The following NUP188 variants were observed in gnomAD, a reference collection of about 807,000 sequenced individuals.
NUP188 encodes the protein nucleoporin NUP188.
A neutral mutation model predicts 223.0 loss-of-function variants in NUP188; 97 were observed. The ratio of observed to expected loss-of-function variants is 0.43; its 90% CI spans 0.37 to 0.51. The LOEUF is 0.51. Among genes scored for constraint, NUP188 ranks in the 20% least tolerant of loss-of-function variants. The pLI, the probability that NUP188 is intolerant of heterozygous loss-of-function variation, is 0.00. For synonymous variants in NUP188, 869 were observed against 828.0 expected, an observed-to-expected ratio of 1.05 and a Z score of -0.85; for missense variants, 1,947 against 2,175.6, an observed-to-expected ratio of 0.89 and a Z score of 2.09.
chr9:128,984,819 A>AT (rs1842309308), intron 19 of NUP188, 81 bp from the exon 20 acceptor site: 1 of 894,946 alleles, frequency 1.1e-6, no homozygotes, highest in Admixed American at 2.3e-5. Context: ...CATCTAGACT[A>AT]TAACAAGAAT....
Position 128,958,856 on chromosome 9 carries a change from C to G in NUP188, c.427C>G (p.Leu143Val). The part of the protein sequence containing the change: ...RTCILRCVLH[L>V]LTYFQDERHP... ...CTGTATTCTTCGTTGTGTCTTACAC[C>G]TTCTCACTTACTTCCAAGATGAAAG... The change falls in exon 7 of 44, where the codon CTT (leucine) becomes GTT (valine). Residue 143 changes from leucine (L) to valine (V), a missense_variant. Around this residue, in one of 3 missense-constraint regions of NUP188, gnomAD observed 817 missense variants for 865.8 expected, o/e 0.94. Coordinates refer to ENST00000372577, the MANE Select transcript of NUP188 (RefSeq NM_015354.3). 1 of 1,602,116 alleles carries G rather than the reference C, an allele frequency of 6.2e-7. No individual in the cohort carries two copies. The highest frequency in any genetic ancestry group is 1.1e-5 in the South Asian group (1 of 88,984).
Position 128,999,935 on chromosome 9 carries a change from G to T in NUP188, c.3843+130G>T, listed in dbSNP as rs1487570708. 9 of 826,990 alleles carry T rather than the reference G, an allele frequency of 1.1e-5. No homozygotes were observed. In the Admixed American group the frequency reaches 1.9e-4, roughly 18 times the overall value. The allele number at this position is 826,990 out of a possible 1,614,324, so 51.2% of individuals were successfully genotyped here. A position where few individuals can be genotyped will look rare whatever the true frequency, so the allele number is the denominator to read the frequency against. ...TGGAGTTCACGGCCTGGTGGGAAAGGTTAATAGATCAGACACTGCAGAAAA... is the reference window on the plus strand; with the variant it reads ...TGGAGTTCACGGCCTGGTGGGAAAGTTTAATAGATCAGACACTGCAGAAAA... On this transcript the variant is annotated intron_variant, in intron 34 of 43. Coordinates refer to ENST00000372577, the MANE Select transcript of NUP188 (RefSeq NM_015354.3).
At chr9:128,987,324 C>T (rs1842352283) in intron 22 of NUP188, among the ~76,000 whole-genome samples, 2 of 152,010 alleles carry the variant, frequency 1.3e-5, no homozygotes, top group Non-Finnish European at 2.9e-5. Context: ...TTTAATGGTT[C>T]TATGCATTCC....
chr9:129,005,560 T>A (rs765155548), intron 40 of NUP188, 30 bp downstream of exon 40: 51 of 1,610,186 alleles, frequency 3.2e-5, no homozygotes, highest in Non-Finnish European at 4.0e-5. Flanking sequence ...CAGCACCACC[T>A]CCCCTAAAGG....
chr9:128,988,094 T>C lies in NUP188; in HGVS notation c.2441T>C (p.Val814Ala), dbSNP rs1216299332. The C allele has an allele frequency of 2.0e-5, 32 of 1,614,084 alleles. No individual in the cohort carries two copies. The highest frequency in any genetic ancestry group is 2.7e-5 in the Non-Finnish European group (32 of 1,180,018). The change falls in exon 24 of 44, where the codon GTG becomes GCG. Residue 814 changes from valine to alanine, a missense_variant. Coordinates refer to ENST00000372577, the MANE Select transcript of NUP188 (RefSeq NM_015354.3). The part of the protein sequence containing the change: ...QGQGQLLIKT[V>A]KLAFSVTNNV... ...CAGGGCCAGCTGCTGATCAAGACAGTGAAACTGGCATTCTCCGTCACCAAC... is the reference window on the plus strand; with the variant it reads ...CAGGGCCAGCTGCTGATCAAGACAGCGAAACTGGCATTCTCCGTCACCAAC...
At position 129,005,764 on chromosome 9, in the gene NUP188, C is replaced by T; in HGVS notation, c.4857C>T (p.Asn1619=). ...TGGCCACAGTGAATGTGGCCCTCAA[C>T]ATGCTTGGAGAGGTAAGTTGGTTCT... The part of the protein sequence containing the change: ...TLLATVNVAL[N]MLGELDKKKE... The change falls in exon 41 of 44, where the codon AAC becomes AAT. Residue 1619 remains asparagine, a synonymous_variant. Transcript: ENST00000372577. The T allele has an allele frequency of 6.2e-7, 1 of 1,612,180 alleles. No homozygotes were observed. Among genetic ancestry groups the T allele is most frequent in the Non-Finnish European group, 8.5e-7 (1 of 1,179,030 alleles).
intron 24 of NUP188, among the ~76,000 whole-genome samples, chr9:128,988,728 T>TAA (rs1842373737): frequency 5.1e-5 from 6 of 118,574 alleles, no homozygotes; most frequent in African/African-American, 2.0e-4. Context: ...AATTTTTTTT[T>TAA]TTTTTTTTTT....
intron 2 of NUP188, among the ~76,000 whole-genome samples, chr9:128,952,446 G>C (rs2131136756): frequency 6.6e-6 from 1 of 151,758 alleles, no homozygotes; most frequent in East Asian, 1.9e-4. Context: ...TTTGCGGTCG[G>C]GTGCCTTGGC....
intron 3 of NUP188, among the ~76,000 whole-genome samples, chr9:128,956,116 CTTTTTT>C (rs923240795): frequency 1.3e-5 from 2 of 148,930 alleles, no homozygotes; most frequent in African/African-American, 4.9e-5. Context: ...AATTTAACCA[CTTTTTT>C]TTTGTTTTGT....
rs770538635 is a variant in NUP188 at position 128,959,076 on chromosome 9, A to C, written c.527A>C (p.Gln176Pro). 6.2e-7 allele frequency: 1 copy of C among 1,603,852 alleles called. No homozygotes were observed. The highest frequency in any genetic ancestry group is 8.5e-7 in the Non-Finnish European group (1 of 1,174,030). Residue 176 changes from glutamine to proline, a missense_variant, in exon 8 of 44, where the codon CAG (glutamine) becomes CCG (proline). Around this residue, in one of 3 missense-constraint regions of NUP188, gnomAD observed 817 missense variants for 865.8 expected, o/e 0.94. Coordinates refer to ENST00000372577, the MANE Select transcript of NUP188 (RefSeq NM_015354.3). ...GAACTAGTTTCAAAATACAGACAGC[A>C]GTTCGAAGAGCTTTATAAAACTGAA... ...EKELVSKYRQ[Q>P]FEELYKTEAP... is the part of the protein sequence containing the mutation.
intron 3 of NUP188, among the ~76,000 whole-genome samples, chr9:128,954,459 A>G (rs1400499386): frequency 7.2e-6 from 1 of 138,084 alleles, no homozygotes; most frequent in Admixed American, 8.3e-5. Context: ...ATCTCGGCTC[A>G]CTGCAAGCTC....
chr9:128,986,909 C>T (rs370954799), intron 22 of NUP188, 34 bp downstream of exon 22: 29 of 1,593,480 alleles, frequency 1.8e-5, no homozygotes, highest in Middle Eastern at 1.9e-4. Flanking sequence ...GCTTGGTGCT[C>T]GCCAAGGCAA....
At chr9:128,991,634 G>A (rs1336800273) in intron 25 of NUP188, among the ~76,000 whole-genome samples, 1 of 151,828 alleles carries the variant, frequency 6.6e-6, no homozygotes, top group Non-Finnish European at 1.5e-5. Flanking sequence ...CTGAGCTCAG[G>A]AGTTTGAAAC....
rs369681894 is a variant in NUP188 at position 128,982,700 on chromosome 9, A to G, written c.1668A>G (p.Ala556=). ...IEMLLHVVST[A]DVIQHCQRVK... ...TGTTGCTTCATGTTGTTTCAACTGC[A>G]GGTAAGGTCAGCTTTCGGAAACATC... Residue 556 remains alanine (A), a splice_region_variant and synonymous_variant, in exon 16 of 44, where the codon GCA becomes GCG. Transcript: ENST00000372577. 9.9e-6 allele frequency: 16 copies of G among 1,613,580 alleles called. No individual in the cohort carries two copies. The highest frequency in any genetic ancestry group is 1.0e-5 in the Non-Finnish European group (12 of 1,179,868).
intron 38 of NUP188, 43 bp from the exon 39 acceptor site, chr9:129,005,104 T>G: frequency 6.6e-7 from 1 of 1,518,690 alleles, no homozygotes; most frequent in South Asian, 1.1e-5. Context: ...GTGACTGGGC[T>G]GCTGACAAGA....
chr9:128,955,251 A>G (rs17507929), intron 3 of NUP188, among the ~76,000 whole-genome samples: 6,273 of 152,292 alleles, frequency 0.041, 440 homozygotes, highest in African/African-American at 0.14. Context: ...GGCATTTGCC[A>G]AGTTTCTCCT....
At position 128,993,626 on chromosome 9, in the gene NUP188, C is replaced by T. The variant is rs755633064; in HGVS notation, c.2949C>T (p.Ala983=). Residue 983 remains alanine, a synonymous_variant, in exon 27 of 44, where the codon GCC becomes GCT. Coordinates refer to ENST00000372577, the MANE Select transcript of NUP188 (RefSeq NM_015354.3). ...GGTGCCCACCCCTGCTGCATCGTGC[C>T]GCCATTGCCTTTTTGCATGCTCTGT... ...RYWCPPLLHR[A]AIAFLHALWQ... The T allele has an allele frequency of 8.9e-5, 143 of 1,614,070 alleles. No homozygotes were observed. The highest frequency in any genetic ancestry group is 1.1e-4 in the Non-Finnish European group (129 of 1,180,050).
chr9:128,952,869 G>C (rs775828147), intron 3 of NUP188, 23 bp downstream of exon 3: 2 of 1,591,658 alleles, frequency 1.3e-6, no homozygotes, highest in Non-Finnish European at 1.7e-6. Context: ...CGGGTGTCTG[G>C]TTAAAGTAAT....
chr9:128,963,418 T>C (rs963572832), intron 8 of NUP188, among the ~76,000 whole-genome samples: 4 of 152,004 alleles, frequency 2.6e-5, no homozygotes, highest in African/African-American at 9.7e-5. Context: ...CCTGAGTAGC[T>C]GGGATTACAG....
Sources: allele counts gnomAD v4.1 joint callset (sites outside exome capture counted in the v4.1 genomes callset), GRCh38; gene constraint gnomAD v4.1.1; regional missense constraint gnomAD v4.1.1; transcripts MANE v1.5; gene names NCBI Gene and HGNC (gene_info 2026-07-23, HGNC 2026-07-21).